The following GRM1 variants were observed in gnomAD, a reference collection of about 807,000 sequenced individuals.
GRM1 encodes the protein glutamate metabotropic receptor 1.
A neutral mutation model predicts 90.9 loss-of-function variants in GRM1; 33 were observed. That is an observed-to-expected ratio of 0.36 (90% CI 0.28 to 0.49). GRM1 has a LOEUF of 0.49. GRM1 is among the 20% of genes least tolerant of loss of function. GRM1 has a pLI of 0.99. For synonymous variants in GRM1, 700 were observed against 613.2 expected (o/e 1.14, Z -2.09); for missense variants, 1,190 against 1,534.3 (o/e 0.78, Z 3.75).
chr6:146,429,126 T>C (rs1488274188), intron 7 of GRM1, among the ~76,000 whole-genome samples: 1 of 152,128 alleles, frequency 6.6e-6, no homozygotes, highest in Non-Finnish European at 1.5e-5. Flanking sequence ...TTTGTGATAT[T>C]CTCTAATTTT....
At chr6:146,304,955 A>G in intron 3 of GRM1, 109 bp downstream of exon 3, 1 of 795,044 alleles carries the variant, frequency 1.3e-6, no homozygotes. Context: ...ATCCAAAGAC[A>G]AAATTGCCAT....
At chr6:146,347,549 G>A (rs998170956) in intron 3 of GRM1, among the ~76,000 whole-genome samples, 1 of 152,036 alleles carries the variant, frequency 6.6e-6, no homozygotes, top group Non-Finnish European at 1.5e-5. Flanking sequence ...CTGTATACTA[G>A]CAACAAACAA....
chr6:146,330,467 T>C (rs1395141295), intron 3 of GRM1, among the ~76,000 whole-genome samples: 1 of 152,168 alleles, frequency 6.6e-6, no homozygotes, highest in Non-Finnish European at 1.5e-5. Context: ...TATTATAGAC[T>C]TTTATCCTAT....
chr6:146,163,945 T>C (rs1777822851), intron 2 of GRM1, among the ~76,000 whole-genome samples: 1 of 152,170 alleles, frequency 6.6e-6, no homozygotes, highest in Non-Finnish European at 1.5e-5. Context: ...AATGTCATTC[T>C]CTTTGCACAC....
At chr6:146,111,327 T>C (rs1775550565) in intron 1 of GRM1, among the ~76,000 whole-genome samples, 1 of 152,188 alleles carries the variant, frequency 6.6e-6, no homozygotes, top group Non-Finnish European at 1.5e-5. Context: ...TGCTAACTGA[T>C]TTGTAAAGTG....
At chr6:146,227,582 T>A (rs2114694114) in intron 2 of GRM1, among the ~76,000 whole-genome samples, 1 of 152,290 alleles carries the variant, frequency 6.6e-6, no homozygotes, top group African/African-American at 2.4e-5. Flanking sequence ...AGAGATCCCA[T>A]CAATGGACTA....
At chr6:146,255,529 C>T (rs1254680395) in intron 2 of GRM1, among the ~76,000 whole-genome samples, 3 of 152,068 alleles carry the variant, frequency 2.0e-5, no homozygotes, top group Admixed American at 2.0e-4. Flanking sequence ...TTGAAGCCTT[C>T]CTCCCTGAGA....
intron 2 of GRM1, among the ~76,000 whole-genome samples, chr6:146,245,164 A>G (rs2114745198): frequency 6.6e-6 from 1 of 152,316 alleles, no homozygotes; most frequent in South Asian, 2.1e-4. Context: ...TATAAATTTA[A>G]TTGTATAGAA....
intron 3 of GRM1, among the ~76,000 whole-genome samples, chr6:146,324,330 C>A (rs1211787953): frequency 6.6e-6 from 1 of 152,144 alleles, no homozygotes; most frequent in East Asian, 1.9e-4. Context: ...TTGCTGAGCT[C>A]TGTGCGGGTG....
At chr6:146,083,939 ACTT>A (rs1166510950) in intron 1 of GRM1, among the ~76,000 whole-genome samples, 1 of 152,156 alleles carries the variant, frequency 6.6e-6, no homozygotes, top group Non-Finnish European at 1.5e-5. Flanking sequence ...CTGGGATTCA[ACTT>A]CTTCTTGGTT....
intron 2 of GRM1, among the ~76,000 whole-genome samples, chr6:146,199,760 G>A (rs1339158822): frequency 1.3e-5 from 2 of 152,092 alleles, no homozygotes; most frequent in African/African-American, 2.4e-5. Flanking sequence ...GCTCATGCCT[G>A]TAACCCCAGC....
At chr6:146,213,663 A>ATAGATAGATAGATGGAAAGAT (rs1779755250) in intron 2 of GRM1, among the ~76,000 whole-genome samples, 1 of 151,586 alleles carries the variant, frequency 6.6e-6, no homozygotes, top group African/African-American at 2.4e-5. Context: ...CCAATAGGAG[A>ATAGATAGATAGATGGAAAGAT]TAGATAGATA....
intron 2 of GRM1, among the ~76,000 whole-genome samples, chr6:146,194,450 C>T (rs1779048662): frequency 6.6e-6 from 1 of 152,182 alleles, no homozygotes; most frequent in African/African-American, 2.4e-5. Context: ...CTTCATTGGC[C>T]AAGTCTCTAA....
chr6:146,336,991 A>G (rs1250325787), intron 3 of GRM1, among the ~76,000 whole-genome samples: 1 of 152,216 alleles, frequency 6.6e-6, no homozygotes, highest in Non-Finnish European at 1.5e-5. Flanking sequence ...CCAAGGTCCC[A>G]ACCTGGTTTT....
chr6:146,296,864 C>T (rs1783195276), intron 2 of GRM1, among the ~76,000 whole-genome samples: 1 of 152,142 alleles, frequency 6.6e-6, no homozygotes, highest in African/African-American at 2.4e-5. Flanking sequence ...TGTAAGACTT[C>T]AAATATCCCA....
intron 2 of GRM1, among the ~76,000 whole-genome samples, chr6:146,261,908 A>C (rs1479742130): frequency 3.3e-5 from 5 of 152,160 alleles, no homozygotes; most frequent in Non-Finnish European, 7.4e-5. Flanking sequence ...AAGAGAGGAC[A>C]GGGCATTAGA....
intron 3 of GRM1, among the ~76,000 whole-genome samples, chr6:146,349,954 T>C (rs2115036422): frequency 6.6e-6 from 1 of 152,330 alleles, no homozygotes; most frequent in Non-Finnish European, 1.5e-5. Context: ...GGCACCTGAC[T>C]TAAGAGAGAT....
chr6:146,275,175 G>A (rs1454520055), intron 2 of GRM1, among the ~76,000 whole-genome samples: 10 of 148,324 alleles, frequency 6.7e-5, no homozygotes, highest in African/African-American at 2.6e-4. Context: ...CTGACAGAGA[G>A]AGAAAAACAA....
At chr6:146,292,481 C>T (rs1050024898) in intron 2 of GRM1, among the ~76,000 whole-genome samples, 1 of 151,776 alleles carries the variant, frequency 6.6e-6, no homozygotes, top group Non-Finnish European at 1.5e-5. Flanking sequence ...AGACATTTCT[C>T]AAAGAAAACA....
Sources: allele counts gnomAD v4.1 joint callset (sites outside exome capture counted in the v4.1 genomes callset), GRCh38; gene constraint gnomAD v4.1.1; transcripts MANE v1.5; gene names NCBI Gene and HGNC (gene_info 2026-07-23, HGNC 2026-07-21).